NELL2: variants seen among roughly 807,000 people sequenced by gnomAD.
NELL2 encodes protein kinase C-binding protein NELL2.
In NELL2, 41 loss-of-function variants were observed where a neutral mutation model predicts 109.6. The observed-to-expected ratio is 0.37, with a 90% CI of 0.29 to 0.49. The LOEUF (loss-of-function observed/expected upper bound fraction) is 0.49, where lower values mean the gene tolerates loss of function less well. Among genes scored for constraint, NELL2 ranks in the 20% least tolerant of loss-of-function variants. The probability of loss-of-function intolerance (pLI) is 0.98; values close to 1 mark genes in which losing one functional copy is unlikely to be tolerated. For synonymous variants in NELL2, 355 were observed against 344.7 expected, an observed-to-expected ratio of 1.03 and a Z score of -0.33; for missense variants, 900 against 1,008.3, an observed-to-expected ratio of 0.89 and a Z score of 1.45.
At chr12:44,748,166 T>G (rs1376424301) in intron 9 of NELL2, among the ~76,000 whole-genome samples, 1 of 152,146 alleles carries the variant, frequency 6.6e-6, no homozygotes, top group African/African-American at 2.4e-5. Flanking sequence ...TTCAGAAACT[T>G]CAAATTGATG....
chr12:44,656,514 A>G (rs1947506450), intron 13 of NELL2, among the ~76,000 whole-genome samples: 1 of 152,242 alleles, frequency 6.6e-6, no homozygotes, highest in African/African-American at 2.4e-5. Context: ...TTGTCTAACC[A>G]TAAGAGTCAC....
chr12:44,520,036 T>C lies in NELL2; in HGVS notation c.2369A>G (p.His790Arg), dbSNP rs765134209. The C allele has an allele frequency of 2.5e-6, 4 of 1,613,996 alleles. No homozygotes were observed. Among genetic ancestry groups the C allele is most frequent in the Admixed American group, 1.7e-5 (1 of 60,000 alleles). ...CTGGCAGAGAGTACACTCAGTGCCA[T>C]GTTTGATCCAAGAGGACCCGGTGAA... ...VRFTGSSWIKHGTECTLCQCK... is the reference protein window; with the variant it reads ...VRFTGSSWIKRGTECTLCQCK... The change falls in exon 19 of 20, where the codon CAT becomes CGT. Residue 790 changes from histidine (H) to arginine (R), a missense_variant. Physicochemically the swap from His to Arg is conservative, Grantham distance 29. This residue lies in a region of NELL2 where 333 missense variants were observed against 432.3 expected (regional missense o/e 0.77). Transcript: ENST00000429094.
chr12:44,511,419 G>A (rs1940998407), intron 19 of NELL2, among the ~76,000 whole-genome samples: 1 of 152,180 alleles, frequency 6.6e-6, no homozygotes, highest in Admixed American at 6.5e-5. Context: ...AATGTACTGT[G>A]TGAGTGTTGT....
At chr12:44,687,183 C>T (rs1321974393) in intron 12 of NELL2, among the ~76,000 whole-genome samples, 1 of 152,198 alleles carries the variant, frequency 6.6e-6, no homozygotes, top group Non-Finnish European at 1.5e-5. Flanking sequence ...TGCTGTCTGT[C>T]ACCACTTTCT....
chr12:44,780,941 G>A (rs546468469), intron 3 of NELL2, among the ~76,000 whole-genome samples: 6 of 152,104 alleles, frequency 3.9e-5, no homozygotes, highest in East Asian at 1.9e-4. Context: ...TAAAACAGGC[G>A]GGTTAAATAA....
chr12:44,709,368 C>T (rs561028594), intron 11 of NELL2, among the ~76,000 whole-genome samples: 14 of 152,204 alleles, frequency 9.2e-5, no homozygotes, highest in Middle Eastern at 3.4e-3. Flanking sequence ...CCTTAGATTA[C>T]GTAGAGAGGG....
chr12:44,766,065 G>A (rs1401232833), intron 9 of NELL2, among the ~76,000 whole-genome samples: 1 of 151,002 alleles, frequency 6.6e-6, no homozygotes. Flanking sequence ...CAGCCTGGGT[G>A]ACAGAGCAAG....
intron 2 of NELL2, among the ~76,000 whole-genome samples, chr12:44,846,071 A>G (rs191426551): frequency 5.9e-5 from 9 of 152,360 alleles, no homozygotes; most frequent in Non-Finnish European, 8.8e-5. Flanking sequence ...CAGGAGCACT[A>G]ATAACCATAT....
chr12:44,825,117 T>C (rs1388617821), intron 2 of NELL2, among the ~76,000 whole-genome samples: 1 of 152,210 alleles, frequency 6.6e-6, no homozygotes, highest in Admixed American at 6.5e-5. Flanking sequence ...ATACAAATTT[T>C]AGGATTGTTT....
chr12:44,793,275 T>C (rs567379565), intron 3 of NELL2, among the ~76,000 whole-genome samples: 1 of 152,290 alleles, frequency 6.6e-6, no homozygotes, highest in South Asian at 2.1e-4. Context: ...CTTGTTTGCT[T>C]TTTTTATCCA....
intron 9 of NELL2, among the ~76,000 whole-genome samples, chr12:44,716,869 T>C (rs1287040889): frequency 1.3e-5 from 2 of 152,070 alleles, no homozygotes; most frequent in African/African-American, 2.4e-5. Flanking sequence ...TAAAAGTCTT[T>C]TGATAATTTA....
chr12:44,769,280 A>G (rs1417719083), intron 9 of NELL2, among the ~76,000 whole-genome samples: 2 of 152,170 alleles, frequency 1.3e-5, no homozygotes, highest in Non-Finnish European at 2.9e-5. Flanking sequence ...GGAAAAGTAT[A>G]AATAGAAAAT....
At chr12:44,883,635 T>C (rs79152825) in intron 1 of NELL2, among the ~76,000 whole-genome samples, 1,605 of 152,128 alleles carry the variant, frequency 0.011, 31 homozygotes, top group East Asian at 0.048. Context: ...CTAATGGAGT[T>C]TTAACATATG....
intron 9 of NELL2, among the ~76,000 whole-genome samples, chr12:44,719,328 C>T (rs1938648801): frequency 6.6e-6 from 1 of 152,158 alleles, no homozygotes; most frequent in African/African-American, 2.4e-5. Context: ...GCAGAGATGG[C>T]AACTGCAGTT....
chr12:44,678,268 A>C (rs1948382279), intron 12 of NELL2, among the ~76,000 whole-genome samples: 2 of 152,104 alleles, frequency 1.3e-5, no homozygotes, highest in Admixed American at 1.3e-4. Context: ...TCTTCAAGAA[A>C]GGAAACTCAA....
intron 9 of NELL2, among the ~76,000 whole-genome samples, chr12:44,769,799 G>A (rs1002074879): frequency 6.6e-6 from 1 of 152,084 alleles, no homozygotes; most frequent in African/African-American, 2.4e-5. Flanking sequence ...TGCAGTGGAC[G>A]TCAAAATGAT....
chr12:44,739,769 T>A (rs929892575), intron 9 of NELL2, among the ~76,000 whole-genome samples: 1 of 152,010 alleles, frequency 6.6e-6, no homozygotes. Context: ...CAGGCACCTG[T>A]AATCACAGCT....
chr12:44,874,130 C>CGAGT (rs1258712041), intron 2 of NELL2, among the ~76,000 whole-genome samples: 1 of 152,154 alleles, frequency 6.6e-6, no homozygotes, highest in African/African-American at 2.4e-5. Flanking sequence ...ACTACAGAAA[C>CGAGT]ACTCAAGTTT....
chr12:44,657,589 C>G, intron 13 of NELL2, among the ~76,000 whole-genome samples: 1 of 152,316 alleles, frequency 6.6e-6, no homozygotes, highest in East Asian at 1.9e-4. Context: ...ATCAACCCGT[C>G]ATCTACATTA....
Sources: gnomAD v4.1 joint callset for allele counts (sites outside exome capture counted in the v4.1 genomes callset) on GRCh38, gnomAD v4.1.1 for gene constraint, gnomAD v4.1.1 regional missense constraint, MANE v1.5 for transcripts, NCBI Gene and HGNC (gene_info 2026-07-23, HGNC 2026-07-21) for gene names.